PAX5: variants seen among roughly 807,000 people sequenced by gnomAD.
PAX5 encodes the protein paired box protein Pax-5.
In PAX5, 9 loss-of-function variants were observed where a neutral mutation model predicts 43.7. The observed-to-expected ratio is 0.21, with a 90% CI of 0.12 to 0.36. The LOEUF is 0.36. PAX5 is among the 10% of genes least tolerant of loss of function. The pLI is 1.00. For synonymous variants in PAX5, 228 were observed against 214.3 expected (o/e 1.06, Z -0.56); for missense variants, 383 against 532.7 (o/e 0.72, Z 2.77).
Position 36,902,620 on chromosome 9 carries a change from G to C in PAX5, c.911-20515C>G, listed in dbSNP as rs890729948. ...GGGGCCAAAATAGGCTGCAGGATCC[G>C]AGTGGGGAGTGTTGGGGGCATGGGA... is the stretch of plus-strand genomic sequence containing the variant. On this transcript the variant is annotated intron_variant, in intron 7 of 9. Transcript: ENST00000358127. Among the ~76,000 whole-genome samples the C allele has an allele frequency of 2.0e-5, 3 of 152,208 alleles. No individual in the cohort carries two copies. In the South Asian group the frequency reaches 6.2e-4, roughly 32 times the overall value.
chr9:37,005,397 AT>A (rs1158717304), intron 4 of PAX5, among the ~76,000 whole-genome samples: 10 of 152,364 alleles, frequency 6.6e-5, no homozygotes, highest in Middle Eastern at 3.4e-3. Context: ...ATGAGGAATT[AT>A]TTCATGGCAG....
chr9:36,856,930 T>A (rs1823737414), intron 8 of PAX5, among the ~76,000 whole-genome samples: 1 of 151,942 alleles, frequency 6.6e-6, no homozygotes, highest in South Asian at 2.1e-4. Flanking sequence ...ACCCGAAGAG[T>A]CTCTTTGAAC....
At chr9:36,854,743 C>T (rs1005439329) in intron 8 of PAX5, among the ~76,000 whole-genome samples, 2 of 152,160 alleles carry the variant, frequency 1.3e-5, no homozygotes, top group South Asian at 2.1e-4. Context: ...CCCCGACAGC[C>T]GTGCATCGAT....
At chr9:37,000,241 C>T (rs975763715) in intron 5 of PAX5, among the ~76,000 whole-genome samples, 1 of 152,150 alleles carries the variant, frequency 6.6e-6, no homozygotes, top group African/African-American at 2.4e-5. Flanking sequence ...CCATTGCTGC[C>T]CACCCCTGGG....
At chr9:36,942,914 CG>C (rs1563993300) in intron 6 of PAX5, among the ~76,000 whole-genome samples, 1 of 152,172 alleles carries the variant, frequency 6.6e-6, no homozygotes, top group African/African-American at 2.4e-5. Context: ...GCACTGCTGA[CG>C]CTACCCTACA....
intron 6 of PAX5, among the ~76,000 whole-genome samples, chr9:36,962,691 G>A (rs753155977): frequency 7.9e-5 from 12 of 152,174 alleles, no homozygotes; most frequent in Non-Finnish European, 1.5e-4. Flanking sequence ...GCAGGGCAGA[G>A]CTAGGACTCA....
intron 6 of PAX5, among the ~76,000 whole-genome samples, chr9:36,924,275 T>G (rs570442745): frequency 6.6e-6 from 1 of 152,350 alleles, no homozygotes; most frequent in East Asian, 1.9e-4. Flanking sequence ...ATGAGTCATT[T>G]CCTTGTCATC....
At chr9:36,929,805 C>A (rs1250861538) in intron 6 of PAX5, among the ~76,000 whole-genome samples, 2 of 152,198 alleles carry the variant, frequency 1.3e-5, no homozygotes, top group Admixed American at 1.3e-4. Context: ...CGGCTCACTG[C>A]AACCTCCACC....
At chr9:36,912,725 C>T (rs1038837775) in intron 7 of PAX5, among the ~76,000 whole-genome samples, 5 of 152,182 alleles carry the variant, frequency 3.3e-5, no homozygotes, top group Non-Finnish European at 5.9e-5. Flanking sequence ...AACGTCTGCT[C>T]TGAGGAAGGC....
Position 36,939,238 on chromosome 9 carries a change from C to T in PAX5, c.781-15754G>A, listed in dbSNP as rs375147572. 5.3e-5 allele frequency among the ~76,000 whole-genome samples: 8 copies of T among 152,316 alleles called. No individual in the cohort carries two copies. In the South Asian group the frequency reaches 1.7e-3, roughly 32 times the overall value. On this transcript the variant is annotated intron_variant, in intron 6 of 9. Coordinates refer to ENST00000358127, the MANE Select transcript of PAX5 (RefSeq NM_016734.3). ...GTGGAAGGTTCTAAACTGGCCCTTT[C>T]ATGAAATATGTGTGGGTTTTACTGC...
At chr9:36,931,661 C>T (rs995730385) in intron 6 of PAX5, among the ~76,000 whole-genome samples, 2 of 151,964 alleles carry the variant, frequency 1.3e-5, no homozygotes, top group African/African-American at 4.8e-5. Flanking sequence ...CCAGCCTGGC[C>T]AACACGGTGA....
Position 37,015,520 on chromosome 9 carries a change from T to C in PAX5, c.213-326A>G, listed in dbSNP as rs1839308389. Reference sequence around the variant, plus strand: ...TAATTAAAATATAGTACCTCTTTTTTTTAACTTTTCTTAATGTGCTGCTGG... The same window carrying C: ...TAATTAAAATATAGTACCTCTTTTTCTTAACTTTTCTTAATGTGCTGCTGG... On this transcript the variant is annotated intron_variant, in intron 2 of 9. Transcript: ENST00000358127. This position sits in a 1 kb window ranked among gnomAD's most constrained non-coding sequence, Gnocchi z 4.4. Among the ~76,000 whole-genome samples, 1 of 152,182 alleles carries C rather than the reference T, an allele frequency of 6.6e-6. No individual in the cohort carries two copies. Among genetic ancestry groups the C allele is most frequent in the Admixed American group, 6.5e-5 (1 of 15,282 alleles).
At chr9:36,899,124 C>T (rs149913837) in intron 7 of PAX5, among the ~76,000 whole-genome samples, 135 of 152,316 alleles carry the variant, frequency 8.9e-4, no homozygotes, top group African/African-American at 3.2e-3. Flanking sequence ...GCTTGCTTTC[C>T]CCCAACTCGC....
In PAX5 at chr9:36,966,771, T is replaced by A. The variant is rs749210609; in HGVS notation, c.605-47A>T. On this transcript the variant is annotated intron_variant, in intron 5 of 9. Transcript: ENST00000358127. ...AAGGGTGAGTGGAGGTTATACACGT[T>A]GCTAAAGAAAGACAGGTCAGACCCT... is the stretch of plus-strand genomic sequence containing the variant. 7.7e-6 allele frequency: 12 copies of A among 1,567,988 alleles called. No homozygotes were observed. In the Admixed American group the frequency reaches 2.1e-4, roughly 27 times the overall value.
At chr9:37,033,953 T>A in intron 1 of PAX5, 33 bp downstream of exon 1, 1 of 1,608,840 alleles carries the variant, frequency 6.2e-7, no homozygotes, top group Non-Finnish European at 8.5e-7. Context: ...TGTCCCGGAG[T>A]TTGCACATCT....
intron 6 of PAX5, among the ~76,000 whole-genome samples, chr9:36,946,928 G>A (rs1159806128): frequency 6.6e-6 from 1 of 152,146 alleles, no homozygotes; most frequent in African/African-American, 2.4e-5. Context: ...CAAAACAGGA[G>A]GGAAGTGATT....
intron 7 of PAX5, among the ~76,000 whole-genome samples, chr9:36,914,631 C>T (rs1829582098): frequency 6.6e-6 from 1 of 152,186 alleles, no homozygotes; most frequent in South Asian, 2.1e-4. Context: ...TGAAGACAGA[C>T]CTACATTCTT....
chr9:36,948,583 T>A (rs1314813878), intron 6 of PAX5, among the ~76,000 whole-genome samples: 1 of 152,206 alleles, frequency 6.6e-6, no homozygotes, highest in Non-Finnish European at 1.5e-5. Context: ...AATTGTTATT[T>A]TGATTGCTTT....
intron 2 of PAX5, among the ~76,000 whole-genome samples, chr9:37,020,317 C>T (rs76911274): frequency 0.012 from 1,862 of 152,194 alleles, 18 homozygotes; most frequent in Non-Finnish European, 0.018. Context: ...AAGTCCTACG[C>T]GGGGACCCAG....
Sources: allele counts gnomAD v4.1 joint callset (sites outside exome capture counted in the v4.1 genomes callset), GRCh38; gene constraint gnomAD v4.1.1; non-coding constraint Gnocchi (gnomAD v3.1); transcripts MANE v1.5; gene names NCBI Gene and HGNC (gene_info 2026-07-23, HGNC 2026-07-21).